The following EPHB1 variants were observed in gnomAD, a reference collection of about 807,000 sequenced individuals.
EPHB1 encodes EPH receptor B1.
EPHB1 carries 30 observed loss-of-function variants against 94.4 expected under a neutral mutation model. The observed-to-expected ratio is 0.32, with a 90% CI of 0.24 to 0.43. The LOEUF (loss-of-function observed/expected upper bound fraction) is 0.43. EPHB1 is among the 20% of genes least tolerant of loss of function. The pLI is 1.00. For missense variants in EPHB1, 1,055 were observed against 1,308.3 expected (o/e 0.81, Z 2.99); for synonymous variants, 522 against 489.1 (o/e 1.07, Z -0.89).
intron 9 of EPHB1, 78 bp downstream of exon 9, chr3:135,167,084 T>C: frequency 1.3e-6 from 2 of 1,533,842 alleles, no homozygotes; most frequent in South Asian, 1.2e-5. Context: ...GAGCTCTCTT[T>C]ATAGCCAGAC....
intron 3 of EPHB1, among the ~76,000 whole-genome samples, chr3:135,094,135 C>T (rs1289398374): frequency 6.6e-6 from 1 of 152,240 alleles, no homozygotes; most frequent in East Asian, 1.9e-4. Context: ...CCATTTGCCT[C>T]TCTGGGTCCT....
chr3:134,994,528 A>G (rs531772557), intron 3 of EPHB1, among the ~76,000 whole-genome samples: 10 of 152,334 alleles, frequency 6.6e-5, no homozygotes, highest in African/African-American at 2.4e-4. Flanking sequence ...TTGTCTGGCA[A>G]AATACCCATT....
intron 12 of EPHB1, among the ~76,000 whole-genome samples, chr3:135,234,039 C>T (rs1047321673): frequency 2.0e-5 from 3 of 152,196 alleles, no homozygotes; most frequent in Non-Finnish European, 2.9e-5. Context: ...CTGACATGCC[C>T]TGGAGACTCA....
intron 12 of EPHB1, among the ~76,000 whole-genome samples, chr3:135,207,425 G>T (rs1356686197): frequency 1.1e-5 from 1 of 93,188 alleles, no homozygotes; most frequent in East Asian, 3.3e-4. Flanking sequence ...TATCTACTAT[G>T]TGTCAACATT....
intron 1 of EPHB1, among the ~76,000 whole-genome samples, chr3:134,910,371 G>A (rs1374637566): frequency 1.3e-5 from 2 of 152,178 alleles, no homozygotes; most frequent in Non-Finnish European, 2.9e-5. Flanking sequence ...CAGCATGGGA[G>A]CTCTACCTGG....
At chr3:134,979,403 TG>T (rs1934321249) in intron 3 of EPHB1, among the ~76,000 whole-genome samples, 2 of 152,180 alleles carry the variant, frequency 1.3e-5, no homozygotes, top group Admixed American at 1.3e-4. Flanking sequence ...AGGATGTGCC[TG>T]TGTATGTTTG....
At chr3:134,986,711 A>AACACACAC (rs60628273) in intron 3 of EPHB1, among the ~76,000 whole-genome samples, 2,089 of 145,592 alleles carry the variant, frequency 0.014, 25 homozygotes, top group East Asian at 0.06. Context: ...TAAAGATATT[A>AACACACAC]ACACACACAC....
intron 3 of EPHB1, among the ~76,000 whole-genome samples, chr3:134,965,175 T>C (rs1246729829): frequency 5.3e-5 from 8 of 152,234 alleles, no homozygotes; most frequent in Admixed American, 4.6e-4. Flanking sequence ...TCAGCCCCAT[T>C]CTTGATTACT....
At chr3:135,134,731 A>T (rs901333056) in intron 5 of EPHB1, among the ~76,000 whole-genome samples, 6 of 152,192 alleles carry the variant, frequency 3.9e-5, no homozygotes, top group African/African-American at 1.4e-4. Context: ...ATTTCCCTTG[A>T]AGAGTTTAGG....
chr3:135,125,660 C>T (rs1940166410), intron 4 of EPHB1, among the ~76,000 whole-genome samples: 1 of 151,082 alleles, frequency 6.6e-6, no homozygotes. Flanking sequence ...AAGAAACAAC[C>T]ACTGCACATG....
At chr3:134,819,949 C>G (rs1347456168) in intron 1 of EPHB1, among the ~76,000 whole-genome samples, 1 of 152,180 alleles carries the variant, frequency 6.6e-6, no homozygotes, top group East Asian at 1.9e-4. Context: ...CAGCTAATTG[C>G]TGTAACACCT....
At chr3:135,168,367 C>T (rs890633557) in intron 9 of EPHB1, among the ~76,000 whole-genome samples, 6 of 152,230 alleles carry the variant, frequency 3.9e-5, no homozygotes, top group Non-Finnish European at 7.3e-5. Context: ...TATTCAGAGT[C>T]CTGCTTATTC....
intron 4 of EPHB1, among the ~76,000 whole-genome samples, chr3:135,128,302 T>G (rs1011008397): frequency 6.8e-4 from 104 of 152,356 alleles, no homozygotes; most frequent in African/African-American, 2.4e-3. Context: ...GGATGAATAC[T>G]CCCTGCAAGA....
intron 3 of EPHB1, among the ~76,000 whole-genome samples, chr3:135,000,325 T>C (rs1044269953): frequency 6.6e-6 from 1 of 152,118 alleles, no homozygotes; most frequent in Admixed American, 6.5e-5. Context: ...TGAGGCATCA[T>C]CTCTGCCCAT....
intron 13 of EPHB1, among the ~76,000 whole-genome samples, chr3:135,246,759 G>A (rs183838362): frequency 2.6e-5 from 4 of 152,280 alleles, no homozygotes; most frequent in Non-Finnish European, 5.9e-5. Context: ...TCAAAAGTGA[G>A]TACTCCCAGT....
intron 3 of EPHB1, among the ~76,000 whole-genome samples, chr3:135,052,633 G>A (rs963086984): frequency 4.6e-5 from 7 of 150,982 alleles, no homozygotes; most frequent in Non-Finnish European, 1.0e-4. Flanking sequence ...AGGCCGAGGC[G>A]GGCGGATCAC....
At chr3:134,808,244 G>A (rs1265369169) in intron 1 of EPHB1, among the ~76,000 whole-genome samples, 2 of 152,164 alleles carry the variant, frequency 1.3e-5, no homozygotes, top group East Asian at 1.9e-4. Flanking sequence ...CTCGCTCCCC[G>A]TAGCTCTAGC....
Position 134,983,093 on chromosome 3 carries a change from T to A in EPHB1, c.805+31041T>A, listed in dbSNP as rs538576813. Among the ~76,000 whole-genome samples, 35 of 152,326 alleles carry A rather than the reference T, an allele frequency of 2.3e-4. 1 individual carries two copies. Among genetic ancestry groups the A allele is most frequent in the South Asian group, 1.5e-3 (7 of 4,826 alleles). On this transcript the variant is annotated intron_variant, in intron 3 of 15. Transcript: ENST00000398015. ...TAAGGCTTGGAGTAACCTAGATTCA[T>A]GTAATAATGCAGCTTCTAAACGTTT...
At chr3:135,028,203 GT>G (rs960392148) in intron 3 of EPHB1, among the ~76,000 whole-genome samples, 3 of 147,630 alleles carry the variant, frequency 2.0e-5, no homozygotes, top group African/African-American at 7.7e-5. Flanking sequence ...TTTTTGAAGG[GT>G]TTTTTGTGTC....
Sources: gnomAD v4.1 joint callset for allele counts (sites outside exome capture counted in the v4.1 genomes callset) on GRCh38, gnomAD v4.1.1 for gene constraint, MANE v1.5 for transcripts, NCBI Gene and HGNC (gene_info 2026-07-23, HGNC 2026-07-21) for gene names.